ASXL3: variants seen among roughly 807,000 people sequenced by gnomAD.
ASXL3 encodes the protein putative Polycomb group protein ASXL3.
In ASXL3, 34 loss-of-function variants were observed where a neutral mutation model predicts 170.6. The observed-to-expected ratio is 0.20, with a 90% CI of 0.15 to 0.27. The LOEUF is 0.27. Ranked by LOEUF, ASXL3 falls within the 10% of genes least tolerant of loss-of-function variation. ASXL3 has a pLI of 1.00. For missense variants in ASXL3, 2,592 were observed against 2,695.3 expected, an observed-to-expected ratio of 0.96 and a Z score of 0.85; for synonymous variants, 1,002 against 989.1, an observed-to-expected ratio of 1.01 and a Z score of -0.24.
At chr18:33,606,534 C>T (rs1009176304) in intron 1 of ASXL3, among the ~76,000 whole-genome samples, 4 of 151,898 alleles carry the variant, frequency 2.6e-5, no homozygotes, top group Admixed American at 2.6e-4. Context: ...ATCACAGAGC[C>T]ATTTTGAACA....
chr18:33,725,346 C>A (rs948623539), intron 8 of ASXL3, among the ~76,000 whole-genome samples: 3 of 152,252 alleles, frequency 2.0e-5, no homozygotes, highest in Admixed American at 2.0e-4. Context: ...ATTAGCACAT[C>A]CACAATACAG....
chr18:33,739,137 C>T lies in ASXL3; in HGVS notation c.1733C>T (p.Ser578Phe), dbSNP rs199871043. 6.1e-5 allele frequency: 99 copies of T among 1,613,554 alleles called. No homozygotes were observed. The Middle Eastern group carries it at 8.2e-4, about 13-fold the overall frequency. The change falls in exon 11 of 12, where the codon TCT becomes TTT. Residue 578 changes from serine (S) to phenylalanine (F), a missense_variant. Around this residue, in one of 4 missense-constraint regions of ASXL3, gnomAD observed 2,246 missense variants for 2,219.6 expected, o/e 1.01. Coordinates refer to ENST00000269197, the MANE Select transcript of ASXL3 (RefSeq NM_030632.3). The part of the protein sequence containing the change: ...STPKIKTGSS[S>F]LEGQFPNEGI... ...CCCAAAATAAAAACAGGGTCATCTT[C>T]TCTAGAAGGCCAGTTTCCAAATGAA...
At chr18:33,619,953 G>C (rs2065483952) in intron 2 of ASXL3, among the ~76,000 whole-genome samples, 1 of 152,052 alleles carries the variant, frequency 6.6e-6, no homozygotes, top group Admixed American at 6.6e-5. Flanking sequence ...AAGAAAAGGA[G>C]GCCTGAATGA....
intron 1 of ASXL3, among the ~76,000 whole-genome samples, chr18:33,605,252 A>G (rs11873622): frequency 0.026 from 3,884 of 152,088 alleles, 185 homozygotes; most frequent in African/African-American, 0.089. Context: ...GTATTAGAGT[A>G]TGGCTGTCTG....
chr18:33,686,422 T>C (rs9957247), intron 8 of ASXL3, among the ~76,000 whole-genome samples: 3,401 of 152,282 alleles, frequency 0.022, 131 homozygotes, highest in African/African-American at 0.078. Context: ...AATAGAAGTA[T>C]GAAGAAAGTC....
chr18:33,721,137 G>A (rs573832250), intron 8 of ASXL3, among the ~76,000 whole-genome samples: 8 of 151,952 alleles, frequency 5.3e-5, no homozygotes, highest in Middle Eastern at 3.4e-3. Context: ...GTTTTCTTTC[G>A]TTAATTGGAG....
intron 1 of ASXL3, among the ~76,000 whole-genome samples, chr18:33,604,121 G>T (rs2065217594): frequency 6.6e-6 from 1 of 151,894 alleles, no homozygotes; most frequent in Admixed American, 6.6e-5. Context: ...AAATAATGTA[G>T]GAAAGATAAA....
chr18:33,582,130 A>C (rs1185837827), intron 1 of ASXL3, among the ~76,000 whole-genome samples: 1 of 152,192 alleles, frequency 6.6e-6, no homozygotes, highest in Non-Finnish European at 1.5e-5. Context: ...AGGATCCCAC[A>C]ATCACATGGA....
At chr18:33,690,513 T>G (rs1339460995) in intron 8 of ASXL3, among the ~76,000 whole-genome samples, 1 of 152,220 alleles carries the variant, frequency 6.6e-6, no homozygotes, top group Non-Finnish European at 1.5e-5. Flanking sequence ...TTACGTAATA[T>G]ATAAACATAA....
chr18:33,727,436 C>T lies in ASXL3; in HGVS notation c.880-4532C>T, dbSNP rs992870539. On this transcript the variant is annotated intron_variant, in intron 8 of 11. Coordinates refer to ENST00000269197, the MANE Select transcript of ASXL3 (RefSeq NM_030632.3). ...TTTGAATTCCAGTTGGCACCCATTCCTTAAAATGTATGTTAATAGGATCCA... is the reference window on the plus strand; with the variant it reads ...TTTGAATTCCAGTTGGCACCCATTCTTTAAAATGTATGTTAATAGGATCCA... 4.6e-5 allele frequency among the ~76,000 whole-genome samples: 7 copies of T among 152,150 alleles called. No homozygotes were observed. In the South Asian group the frequency reaches 1.5e-3, roughly 32 times the overall value.
At chr18:33,613,488 A>G (rs2065370740) in intron 2 of ASXL3, among the ~76,000 whole-genome samples, 1 of 152,086 alleles carries the variant, frequency 6.6e-6, no homozygotes, top group African/African-American at 2.4e-5. Context: ...CCATCCCAAT[A>G]AGGAGAATAT....
chr18:33,645,312 G>A (rs914697458), intron 3 of ASXL3, among the ~76,000 whole-genome samples: 2 of 151,936 alleles, frequency 1.3e-5, no homozygotes, highest in Non-Finnish European at 2.9e-5. Flanking sequence ...AAGATGAGCA[G>A]AGTTACCATG....
chr18:33,640,872 A>G (rs1234791502), intron 2 of ASXL3, among the ~76,000 whole-genome samples: 1 of 151,876 alleles, frequency 6.6e-6, no homozygotes, highest in Admixed American at 6.6e-5. Context: ...CTTTTGTTGT[A>G]CAGAATTAAT....
chr18:33,608,928 C>T (rs932272336), intron 2 of ASXL3: 7 of 532,120 alleles, frequency 1.3e-5, no homozygotes, highest in East Asian at 1.5e-4. Flanking sequence ...AATTTACTGG[C>T]GTACAGGACA....
chr18:33,590,254 A>G (rs543991377), intron 1 of ASXL3, among the ~76,000 whole-genome samples: 5 of 151,838 alleles, frequency 3.3e-5, no homozygotes, highest in Non-Finnish European at 7.4e-5. Flanking sequence ...CCTAAAGACA[A>G]TCTCAGTCTC....
chr18:33,611,368 T>C (rs2065335170), intron 2 of ASXL3, among the ~76,000 whole-genome samples: 1 of 152,074 alleles, frequency 6.6e-6, no homozygotes, highest in Admixed American at 6.6e-5. Context: ...CTTATGAAAA[T>C]ATTCTTGGTA....
intron 8 of ASXL3, among the ~76,000 whole-genome samples, chr18:33,705,254 A>G (rs1482395054): frequency 6.6e-6 from 1 of 151,620 alleles, no homozygotes; most frequent in African/African-American, 2.4e-5. Context: ...TTATGTTTTT[A>G]ATGTCTACTA....
chr18:33,683,451 A>G lies in ASXL3; in HGVS notation c.762A>G (p.Pro254=). The change falls in exon 8 of 12, where the codon CCA becomes CCG. Residue 254 remains proline (P), a synonymous_variant. Coordinates refer to ENST00000269197, the MANE Select transcript of ASXL3 (RefSeq NM_030632.3). The stretch of plus-strand genomic sequence containing the variant: ...CTGAGGACATTGACATAGAAACCCC[A>G]GGATCTATTCTTGTCAACACTAACT... ...TKAEDIDIET[P]GSILVNTNLR... 1 of 1,613,632 alleles carries G rather than the reference A, an allele frequency of 6.2e-7. No individual in the cohort carries two copies. Among genetic ancestry groups the G allele is most frequent in the Non-Finnish European group, 8.5e-7 (1 of 1,179,704 alleles).
chr18:33,620,113 T>C (rs2065486687), intron 2 of ASXL3, among the ~76,000 whole-genome samples: 1 of 152,152 alleles, frequency 6.6e-6, no homozygotes, highest in Admixed American at 6.6e-5. Flanking sequence ...TATGAAAACC[T>C]CACCCTTTCC....
Sources: allele counts gnomAD v4.1 joint callset (sites outside exome capture counted in the v4.1 genomes callset), GRCh38; gene constraint gnomAD v4.1.1; regional missense constraint gnomAD v4.1.1; transcripts MANE v1.5; gene names NCBI Gene and HGNC (gene_info 2026-07-23, HGNC 2026-07-21).